The following SMG6 variants were observed in gnomAD, a reference collection of about 807,000 sequenced individuals.
SMG6 encodes the protein SMG6 nonsense mediated mRNA decay factor.
In SMG6, 66 loss-of-function variants were observed where a neutral mutation model predicts 142.2. That is an observed-to-expected ratio of 0.46 (90% CI 0.38 to 0.57). SMG6 has a LOEUF of 0.57. Among genes scored for constraint, SMG6 ranks in the 20% least tolerant of loss-of-function variants. The pLI, the probability that SMG6 is intolerant of heterozygous loss-of-function variation, is 0.00. For missense variants in SMG6, 1,793 were observed against 1,832.0 expected (o/e 0.98, Z 0.39); for synonymous variants, 779 against 702.4 (o/e 1.11, Z -1.72).
At chr17:2,268,403 C>T (rs2074470296) in intron 8 of SMG6, among the ~76,000 whole-genome samples, 1 of 152,204 alleles carries the variant, frequency 6.6e-6, no homozygotes, top group Non-Finnish European at 1.5e-5. Flanking sequence ...CACTCATACA[C>T]AGCAGCTTTC....
At chr17:2,193,004 G>A (rs1301369684) in intron 10 of SMG6, among the ~76,000 whole-genome samples, 1 of 152,222 alleles carries the variant, frequency 6.6e-6, no homozygotes, top group African/African-American at 2.4e-5. Context: ...AACAGAGGCT[G>A]ACTGAGTGTA....
At chr17:2,160,420 T>G (rs9906705) in intron 13 of SMG6, among the ~76,000 whole-genome samples, 54,233 of 151,968 alleles carry the variant, frequency 0.36, 10,387 homozygotes, top group African/African-American at 0.5. Context: ...GGTTTCACCA[T>G]ACTGCCCAGG....
chr17:2,129,446 C>T (rs1476956493), intron 13 of SMG6, among the ~76,000 whole-genome samples: 4 of 151,990 alleles, frequency 2.6e-5, no homozygotes, highest in Non-Finnish European at 4.4e-5. Flanking sequence ...AAAGAAAATA[C>T]TCAGCAATCT....
intron 12 of SMG6, chr17:2,173,262 A>G (rs1210186757): frequency 1.3e-5 from 3 of 230,020 alleles, no homozygotes; most frequent in African/African-American, 2.2e-5. Flanking sequence ...CCACACAGAC[A>G]GCAACTGAGC....
chr17:2,201,901 G>T (rs1427217699), intron 10 of SMG6, among the ~76,000 whole-genome samples: 1 of 151,818 alleles, frequency 6.6e-6, no homozygotes, highest in African/African-American at 2.4e-5. Flanking sequence ...GCAGGTGCCT[G>T]TAATCCCAGC....
intron 8 of SMG6, among the ~76,000 whole-genome samples, chr17:2,266,991 A>T (rs2074435895): frequency 2.0e-5 from 3 of 152,168 alleles, no homozygotes; most frequent in Admixed American, 2.0e-4. Context: ...AAAGAAAACC[A>T]ATCTGCTTCT....
At chr17:2,064,218 G>C (rs2067870807) in intron 18 of SMG6, among the ~76,000 whole-genome samples, 1 of 152,146 alleles carries the variant, frequency 6.6e-6, no homozygotes. Flanking sequence ...GAAACGGTGA[G>C]AACTGCCAGC....
At chr17:2,138,411 AC>A (rs1418879574) in intron 13 of SMG6, among the ~76,000 whole-genome samples, 1 of 152,134 alleles carries the variant, frequency 6.6e-6, no homozygotes, top group Non-Finnish European at 1.5e-5. Flanking sequence ...ACTAACCAGA[AC>A]CCCCAGTGGC....
At chr17:2,208,359 C>T (rs747252110) in intron 10 of SMG6, among the ~76,000 whole-genome samples, 4 of 152,140 alleles carry the variant, frequency 2.6e-5, no homozygotes, top group Non-Finnish European at 4.4e-5. Context: ...AGTATTTCTA[C>T]CTGTAGAAAT....
At chr17:2,296,307 C>A (rs1049184574) in intron 4 of SMG6, among the ~76,000 whole-genome samples, 4 of 152,126 alleles carry the variant, frequency 2.6e-5, no homozygotes, top group African/African-American at 9.7e-5. Flanking sequence ...TTTGCTGGAC[C>A]CTCTATCTAA....
At chr17:2,144,704 T>C (rs963291733) in intron 13 of SMG6, among the ~76,000 whole-genome samples, 1 of 152,132 alleles carries the variant, frequency 6.6e-6, no homozygotes, top group Non-Finnish European at 1.5e-5. Context: ...GACACAGAGA[T>C]CACTTTAAAT....
intron 10 of SMG6, among the ~76,000 whole-genome samples, chr17:2,191,801 T>C (rs1340538973): frequency 6.6e-6 from 1 of 152,178 alleles, no homozygotes; most frequent in African/African-American, 2.4e-5. Flanking sequence ...TCTGAGAATA[T>C]ATTCATGGAA....
chr17:2,066,262 A>G (rs914996245), intron 16 of SMG6, among the ~76,000 whole-genome samples: 25 of 151,664 alleles, frequency 1.6e-4, no homozygotes, highest in Non-Finnish European at 1.5e-5. Flanking sequence ...GTGTGCGCGC[A>G]CGTGTATGTC....
At chr17:2,147,339 G>A (rs2070700138) in intron 13 of SMG6, among the ~76,000 whole-genome samples, 1 of 152,158 alleles carries the variant, frequency 6.6e-6, no homozygotes, top group South Asian at 2.1e-4. Context: ...GTTGCAGTGA[G>A]CCAGGATTGC....
intron 8 of SMG6, among the ~76,000 whole-genome samples, chr17:2,262,769 G>A (rs1006554568): frequency 2.6e-5 from 4 of 152,010 alleles, no homozygotes; most frequent in East Asian, 1.9e-4. Flanking sequence ...TGTTTTTGAG[G>A]GAAGGACCAA....
At chr17:2,171,010 C>T (rs571415160) in intron 13 of SMG6, among the ~76,000 whole-genome samples, 1 of 152,248 alleles carries the variant, frequency 6.6e-6, no homozygotes, top group South Asian at 2.1e-4. Context: ...CATGTTAGCG[C>T]AGACCTATAA....
At chr17:2,165,673 G>A (rs2071314276) in intron 13 of SMG6, among the ~76,000 whole-genome samples, 3 of 152,292 alleles carry the variant, frequency 2.0e-5, no homozygotes, top group East Asian at 1.9e-4. Flanking sequence ...AGGCCAAGGC[G>A]GGAGGATCAC....
At chr17:2,061,697 G>A (rs934619820) in intron 18 of SMG6, 75 bp from the exon 19 acceptor site, 1 of 1,495,768 alleles carries the variant, frequency 6.7e-7, no homozygotes, top group Non-Finnish European at 9.0e-7. Context: ...TCACCCTGGA[G>A]AATGTGGTCC....
chr17:2,228,559 C>A (rs781780980), intron 10 of SMG6, among the ~76,000 whole-genome samples: 3 of 151,510 alleles, frequency 2.0e-5, no homozygotes, highest in Non-Finnish European at 2.9e-5. Context: ...GGCAAGGTTT[C>A]CCCACGTTGA....
Sources: gnomAD v4.1 joint callset for allele counts (sites outside exome capture counted in the v4.1 genomes callset) on GRCh38, gnomAD v4.1.1 for gene constraint, MANE v1.5 for transcripts, NCBI Gene and HGNC (gene_info 2026-07-23, HGNC 2026-07-21) for gene names.